Variants in ZNF521 observed in about 807,000 individuals in gnomAD.
ZNF521 encodes the protein LYST-interacting protein 3.
Under a neutral mutation model 105.5 loss-of-function variants are expected in ZNF521, and 14 were observed. The ratio of observed to expected loss-of-function variants is 0.13; its 90% CI spans 0.09 to 0.21. The LOEUF is 0.21. Ranked by LOEUF, ZNF521 falls within the 10% of genes least tolerant of loss-of-function variation. The pLI is 1.00. For synonymous variants in ZNF521, 635 were observed against 606.0 expected (o/e 1.05, Z -0.70); for missense variants, 1,233 against 1,629.7 (o/e 0.76, Z 4.19).
chr18:25,144,742 T>C (rs2034911571), intron 5 of ZNF521, among the ~76,000 whole-genome samples: 1 of 152,210 alleles, frequency 6.6e-6, no homozygotes, highest in South Asian at 2.1e-4. Flanking sequence ...AGATATTTAT[T>C]GAAACTATTC....
At chr18:25,170,434 G>C (rs150490876) in intron 5 of ZNF521, among the ~76,000 whole-genome samples, 1 of 152,178 alleles carries the variant, frequency 6.6e-6, no homozygotes, top group Non-Finnish European at 1.5e-5. Context: ...TCCTTCCGTA[G>C]AGCCAGACTG....
intron 3 of ZNF521, among the ~76,000 whole-genome samples, chr18:25,308,606 C>T (rs1600286902): frequency 6.6e-6 from 1 of 151,368 alleles, no homozygotes; most frequent in Admixed American, 6.6e-5. Flanking sequence ...ACATCATGTG[C>T]TCCAGGAAAC....
intron 3 of ZNF521, among the ~76,000 whole-genome samples, chr18:25,303,485 A>T (rs972095538): frequency 6.6e-6 from 1 of 151,894 alleles, no homozygotes; most frequent in Non-Finnish European, 1.5e-5. Flanking sequence ...TTTAGTAGAG[A>T]CGGGGTTTCA....
At chr18:25,138,671 A>C (rs1457694944) in intron 5 of ZNF521, among the ~76,000 whole-genome samples, 1 of 152,192 alleles carries the variant, frequency 6.6e-6, no homozygotes, top group Non-Finnish European at 1.5e-5. Context: ...CAGATCTTTC[A>C]TACTTTTCAA....
At chr18:25,345,581 G>A (rs1394111680) in intron 2 of ZNF521, among the ~76,000 whole-genome samples, 1 of 152,148 alleles carries the variant, frequency 6.6e-6, no homozygotes, top group Non-Finnish European at 1.5e-5. Flanking sequence ...CTCACTTTAG[G>A]AAGATGCTGC....
chr18:25,313,980 T>C lies in ZNF521; in HGVS notation c.220+8028A>G, dbSNP rs142134955. Among the ~76,000 whole-genome samples, 359 of 152,234 alleles carry C rather than the reference T, an allele frequency of 2.4e-3. 9 individuals are homozygous for C. Among genetic ancestry groups the C allele is most frequent in the Admixed American group, 0.02 (306 of 15,274 alleles). The stretch of plus-strand genomic sequence containing the variant: ...GAAGGAAACAGGAAAATAAAACTTA[T>C]AGTGCCTTAAGCCTAATTAATATAG... On this transcript the variant is annotated intron_variant, in intron 3 of 7. Transcript: ENST00000361524.
chr18:25,186,918 A>AG (rs2035732951), intron 5 of ZNF521, among the ~76,000 whole-genome samples: 1 of 149,116 alleles, frequency 6.7e-6, no homozygotes, highest in African/African-American at 2.4e-5. Flanking sequence ...AAAAAAAAAA[A>AG]AAAGAAAAAG....
intron 3 of ZNF521, among the ~76,000 whole-genome samples, chr18:25,234,911 CATT>C (rs1373071749): frequency 4.0e-5 from 6 of 151,880 alleles, no homozygotes; most frequent in Middle Eastern, 3.4e-3. Context: ...ACAATATTAT[CATT>C]ATAAAATTAA....
intron 2 of ZNF521, among the ~76,000 whole-genome samples, chr18:25,334,829 T>C (rs1338914678): frequency 6.6e-6 from 1 of 152,168 alleles, no homozygotes; most frequent in African/African-American, 2.4e-5. Context: ...CCCAGAGAAC[T>C]TCATCCAGAA....
intron 4 of ZNF521, among the ~76,000 whole-genome samples, chr18:25,221,602 T>C (rs1464626291): frequency 2.0e-5 from 3 of 152,206 alleles, no homozygotes; most frequent in Non-Finnish European, 2.9e-5. Context: ...ACCACCTATG[T>C]TGCTAAGTCC....
chr18:25,291,949 T>C (rs914566820), intron 3 of ZNF521, among the ~76,000 whole-genome samples: 10 of 152,054 alleles, frequency 6.6e-5, no homozygotes, highest in Non-Finnish European at 1.0e-4. Context: ...AAAAAAATCA[T>C]CTTTTTAACT....
intron 7 of ZNF521, among the ~76,000 whole-genome samples, chr18:25,088,521 C>G (rs180678249): frequency 3.1e-4 from 47 of 152,040 alleles, no homozygotes; most frequent in African/African-American, 1.1e-3. Context: ...GCCCGGCCAA[C>G]AGAATAATTT....
At chr18:25,183,685 T>C (rs1002692652) in intron 5 of ZNF521, among the ~76,000 whole-genome samples, 2 of 152,208 alleles carry the variant, frequency 1.3e-5, no homozygotes, top group African/African-American at 4.8e-5. Flanking sequence ...GTGAGAGCCA[T>C]GAAAGCATGA....
intron 5 of ZNF521, among the ~76,000 whole-genome samples, chr18:25,130,303 T>TA (rs1359494080): frequency 1.3e-5 from 2 of 151,882 alleles, no homozygotes; most frequent in Non-Finnish European, 2.9e-5. Flanking sequence ...ATGGAGACAG[T>TA]AAAAAAAATA....
chr18:25,138,369 A>G (rs1479426670), intron 5 of ZNF521, among the ~76,000 whole-genome samples: 1 of 152,176 alleles, frequency 6.6e-6, no homozygotes, highest in African/African-American at 2.4e-5. Context: ...ATAATATTCT[A>G]ATTTTTATAG....
intron 3 of ZNF521, among the ~76,000 whole-genome samples, chr18:25,310,817 T>G (rs544430741): frequency 6.6e-6 from 1 of 152,298 alleles, no homozygotes; most frequent in East Asian, 1.9e-4. Context: ...AAATTATAAT[T>G]ATATTGAAAC....
intron 7 of ZNF521, chr18:25,082,629 G>C (rs1433094655): frequency 4.7e-6 from 2 of 427,726 alleles, no homozygotes; most frequent in South Asian, 3.4e-5. Context: ...TGAGCTCAGG[G>C]GTTTGAGACC....
rs141501656 is a variant in ZNF521, at chr18:25,162,127, G to A, written c.3658+33033C>T. Among the ~76,000 whole-genome samples, 28 of 152,216 alleles carry A rather than the reference G, an allele frequency of 1.8e-4. No individual in the cohort carries two copies. The East Asian group carries it at 4.1e-3, about 22-fold the overall frequency. The stretch of plus-strand genomic sequence containing the variant: ...CGCCTGAACCTATTTTCCTTCCTCT[G>A]TATGTGATCATGAAGAGAACAATGA... On this transcript the variant is annotated intron_variant, in intron 5 of 7. Transcript: ENST00000361524.
At chr18:25,281,557 A>G (rs1910382429) in intron 3 of ZNF521, among the ~76,000 whole-genome samples, 1 of 152,220 alleles carries the variant, frequency 6.6e-6, no homozygotes. Context: ...ATTGAACACT[A>G]TGTTCTAAAC....
Sources: gnomAD v4.1 joint callset for allele counts (sites outside exome capture counted in the v4.1 genomes callset) on GRCh38, gnomAD v4.1.1 for gene constraint, MANE v1.5 for transcripts, NCBI Gene and HGNC (gene_info 2026-07-23, HGNC 2026-07-21) for gene names.